THSD4: variants seen among roughly 807,000 people sequenced by gnomAD.
THSD4 encodes thrombospondin type 1 domain containing 4, also known as thrombospondin type-1 domain-containing protein 4.
THSD4 carries 69 observed loss-of-function variants against 119.0 expected under a neutral mutation model. The ratio of observed to expected loss-of-function variants is 0.58; its 90% CI spans 0.48 to 0.71. The LOEUF is 0.71. Among genes scored for constraint, THSD4 ranks in the 30% least tolerant of loss-of-function variants. The probability of loss-of-function intolerance (pLI) is 0.00; values close to 1 mark genes in which losing one functional copy is unlikely to be tolerated. For synonymous variants in THSD4, 524 were observed against 540.4 expected (o/e 0.97, Z 0.42); for missense variants, 1,393 against 1,391.1 (o/e 1.00, Z -0.02).
intron 7 of THSD4, among the ~76,000 whole-genome samples, chr15:71,608,975 C>T (rs1348873491): frequency 6.6e-6 from 1 of 152,156 alleles, no homozygotes; most frequent in Non-Finnish European, 1.5e-5. Context: ...TCTCCCTGGG[C>T]AGGTGATGAG....
chr15:71,509,167 G>A (rs948232678), intron 7 of THSD4, among the ~76,000 whole-genome samples: 3 of 152,108 alleles, frequency 2.0e-5, no homozygotes, highest in African/African-American at 7.2e-5. Context: ...TTTTCAGTAA[G>A]CAACATTTAG....
intron 7 of THSD4, among the ~76,000 whole-genome samples, chr15:71,484,879 A>G (rs1454560710): frequency 2.0e-5 from 3 of 152,128 alleles, no homozygotes; most frequent in Non-Finnish European, 4.4e-5. Context: ...TGACCTAATA[A>G]AAAATGCATT....
intron 7 of THSD4, among the ~76,000 whole-genome samples, chr15:71,493,640 C>T (rs1234612478): frequency 6.6e-6 from 1 of 152,174 alleles, no homozygotes; most frequent in African/African-American, 2.4e-5. Context: ...ACACTTCACA[C>T]TCACTGTGAA....
intron 6 of THSD4, among the ~76,000 whole-genome samples, chr15:71,369,025 G>T (rs2046006620): frequency 6.6e-6 from 1 of 152,082 alleles, no homozygotes; most frequent in Admixed American, 6.5e-5. Context: ...GGATTCCTAG[G>T]TATTTTATTC....
At position 71,288,749 on chromosome 15, in the gene THSD4, G is replaced by A. The variant is rs1271556982; in HGVS notation, c.1015+32034G>A. ...TCTTACTAATCACAACAGCATCCAC[G>A]TACACTTAAAATAGTGCCTATATGT... On this transcript the variant is annotated intron_variant, in intron 6 of 17. Coordinates refer to ENST00000261862, the MANE Select transcript of THSD4 (RefSeq NM_024817.3). 3.9e-5 allele frequency among the ~76,000 whole-genome samples: 6 copies of A among 152,128 alleles called. No homozygotes were observed. The East Asian group carries it at 5.8e-4, about 15-fold the overall frequency.
chr15:71,453,712 G>T (rs2047298220), intron 7 of THSD4, among the ~76,000 whole-genome samples: 1 of 152,170 alleles, frequency 6.6e-6, no homozygotes, highest in East Asian at 1.9e-4. Flanking sequence ...TGAGGGATGT[G>T]GGTATGTGCG....
intron 10 of THSD4, among the ~76,000 whole-genome samples, chr15:71,735,606 GTCTCTCTTGCTCTCTGTTTC>G (rs1328463970): frequency 2.0e-5 from 3 of 148,640 alleles, no homozygotes; most frequent in Non-Finnish European, 4.5e-5. Context: ...CTTGCTCTCT[GTCTCTCTTGCTCTCTGTTTC>G]TCTCTCTTGC....
At chr15:71,569,444 TTA>T (rs2049307520) in intron 7 of THSD4, among the ~76,000 whole-genome samples, 1 of 152,180 alleles carries the variant, frequency 6.6e-6, no homozygotes, top group Non-Finnish European at 1.5e-5. Context: ...CAAAAGTTAT[TTA>T]TTTATAATGC....
intron 14 of THSD4, among the ~76,000 whole-genome samples, chr15:71,755,706 C>CAAAAAA (rs10555546): frequency 1.2e-3 from 60 of 50,284 alleles, no homozygotes; most frequent in East Asian, 1.6e-3. Context: ...TCAGCAAAGA[C>CAAAAAA]AAAAAAAAAA....
At chr15:71,105,809 C>T (rs1420335827) in intron 1 of THSD4, among the ~76,000 whole-genome samples, 1 of 152,244 alleles carries the variant, frequency 6.6e-6, no homozygotes, top group East Asian at 1.9e-4. Flanking sequence ...ACCACAACCT[C>T]ACCTGGCCTG....
chr15:71,256,755 G>A, intron 6 of THSD4, 40 bp downstream of exon 6: 1 of 1,573,496 alleles, frequency 6.4e-7, no homozygotes, highest in Non-Finnish European at 8.7e-7. Flanking sequence ...AGTTACTTTA[G>A]TCTGTTTTCC....
intron 1 of THSD4, among the ~76,000 whole-genome samples, chr15:71,116,200 G>T (rs374636160): frequency 6.6e-6 from 1 of 152,304 alleles, no homozygotes; most frequent in African/African-American, 2.4e-5. Flanking sequence ...CTGTGTGTCT[G>T]TCTGTCTCAG....
intron 7 of THSD4, among the ~76,000 whole-genome samples, chr15:71,532,960 C>T (rs1209376774): frequency 6.6e-6 from 1 of 152,166 alleles, no homozygotes; most frequent in Non-Finnish European, 1.5e-5. Context: ...AGAGAGTGAA[C>T]ACCTTTGGTC....
chr15:71,097,728 ATTTT>A (rs398027839), intron 1 of THSD4, among the ~76,000 whole-genome samples: 25 of 140,606 alleles, frequency 1.8e-4, no homozygotes, highest in Admixed American at 7.6e-4. Context: ...ATATATATAT[ATTTT>A]TTTTTTTAAG....
chr15:71,329,818 C>T (rs1298370182), intron 6 of THSD4, among the ~76,000 whole-genome samples: 2 of 152,208 alleles, frequency 1.3e-5, no homozygotes. Flanking sequence ...TGGTGGCTCA[C>T]GCCTATAATC....
intron 8 of THSD4, among the ~76,000 whole-genome samples, chr15:71,727,587 T>TATATATATACAC (rs2052882975): frequency 2.2e-4 from 2 of 9,276 alleles, no homozygotes; most frequent in African/African-American, 5.1e-4. Flanking sequence ...TATATATATA[T>TATATATATACAC]ACACACACAC....
chr15:71,404,217 G>A (rs958629632), intron 6 of THSD4, among the ~76,000 whole-genome samples: 1 of 152,108 alleles, frequency 6.6e-6, no homozygotes, highest in Non-Finnish European at 1.5e-5. Flanking sequence ...TAAGAAGGAA[G>A]CTGATACCTA....
intron 8 of THSD4, among the ~76,000 whole-genome samples, chr15:71,716,188 A>T (rs8037397): frequency 0.54 from 82,382 of 151,994 alleles, 26,545 homozygotes; most frequent in East Asian, 0.8. Context: ...TTGTTTTCAC[A>T]TGGCATTCTC....
rs2047824595 is a variant in THSD4, at chr15:71,486,620, T to TG, written c.1152+74797_1152+74798insG. On this transcript the variant is annotated intron_variant, in intron 7 of 17. Transcript: ENST00000261862. ...GCCAAGTTTCTTTTCTGTTTTTTTT[T>TG]TTTTTTTTTTTTTTTTATTTCCCAC... Among the ~76,000 whole-genome samples the TG allele has an allele frequency of 1.2e-4, 6 of 51,642 alleles. No individual in the cohort carries two copies. The South Asian group carries it at 5.3e-3, about 46-fold the overall frequency. The allele number at this position is 51,642 out of a possible 152,430, so 33.9% of individuals were successfully genotyped here.
Sources: gnomAD v4.1 joint callset for allele counts (sites outside exome capture counted in the v4.1 genomes callset) on GRCh38, gnomAD v4.1.1 for gene constraint, MANE v1.5 for transcripts, NCBI Gene and HGNC (gene_info 2026-07-23, HGNC 2026-07-21) for gene names.